Variants in FSHR observed in about 807,000 individuals in gnomAD.
FSHR encodes follicle-stimulating hormone receptor.
FSHR carries 46 observed loss-of-function variants against 52.1 expected under a neutral mutation model. That is an observed-to-expected ratio of 0.88 (90% CI 0.70 to 1.13). The LOEUF is 1.13. FSHR is among the 50% of genes most tolerant of loss of function. FSHR has a pLI of 0.00. For missense variants in FSHR, 964 were observed against 834.6 expected (o/e 1.16, Z -1.91); for synonymous variants, 399 against 309.6 (o/e 1.29, Z -3.03).
intron 2 of FSHR, among the ~76,000 whole-genome samples, chr2:49,055,844 C>T (rs565600796): frequency 6.6e-6 from 1 of 152,138 alleles, no homozygotes; most frequent in South Asian, 2.1e-4. Flanking sequence ...TATAACATTT[C>T]ATGGACAAGA....
chr2:49,033,069 C>T (rs1198319502), intron 2 of FSHR, among the ~76,000 whole-genome samples: 2 of 152,114 alleles, frequency 1.3e-5, no homozygotes, highest in South Asian at 2.1e-4. Flanking sequence ...CAATTTTCCC[C>T]CTTTTAGGAT....
intron 4 of FSHR, among the ~76,000 whole-genome samples, chr2:49,002,736 T>C (rs562454616): frequency 0.014 from 2,113 of 152,072 alleles, 48 homozygotes; most frequent in African/African-American, 0.049. Context: ...AGGATGATAT[T>C]TGGGTGGGGA....
Position 49,068,276 on chromosome 2 carries a change from G to A in FSHR, c.167C>T (p.Thr56Ile). 6.2e-7 allele frequency: 1 copy of A among 1,611,506 alleles called. No individual in the cohort carries two copies. The highest frequency in any genetic ancestry group is 1.1e-5 in the South Asian group (1 of 91,004). Residue 56 changes from threonine to isoleucine, a missense_variant, in exon 2 of 10, where the codon ACC (threonine) becomes ATC (isoleucine). Coordinates refer to ENST00000406846, the MANE Select transcript of FSHR (RefSeq NM_000145.4). ...RNAIELRFVLTKLRVIQKGAF... is the reference protein window; with the variant it reads ...RNAIELRFVLIKLRVIQKGAF... ...ACCTTTTTGGATGACTCGAAGCTTG[G>A]TGAGGACAAACCTCCTGCAAAGAGA...
intron 8 of FSHR, among the ~76,000 whole-genome samples, chr2:48,979,122 C>A (rs976636546): frequency 2.6e-5 from 4 of 151,292 alleles, no homozygotes; most frequent in African/African-American, 9.8e-5. Flanking sequence ...AGTTATCAGG[C>A]CTCAACCCTG....
chr2:49,145,817 C>T (rs1361687672), intron 1 of FSHR, among the ~76,000 whole-genome samples: 1 of 151,898 alleles, frequency 6.6e-6, no homozygotes, highest in African/African-American at 2.4e-5. Context: ...ATTTGCTGTT[C>T]AAAGAAAACT....
At chr2:48,998,382 A>G (rs1022081798) in intron 4 of FSHR, among the ~76,000 whole-genome samples, 1 of 152,122 alleles carries the variant, frequency 6.6e-6, no homozygotes, top group Admixed American at 6.5e-5. Flanking sequence ...GTCATTATAT[A>G]TGAAAACTCT....
At chr2:49,058,467 A>C (rs1000235783) in intron 2 of FSHR, among the ~76,000 whole-genome samples, 4 of 152,144 alleles carry the variant, frequency 2.6e-5, no homozygotes, top group Non-Finnish European at 4.4e-5. Flanking sequence ...GAATCGCTGG[A>C]ACCGGGAGGC....
intron 2 of FSHR, among the ~76,000 whole-genome samples, chr2:49,065,113 G>A (rs1300105669): frequency 6.6e-6 from 1 of 152,122 alleles, no homozygotes; most frequent in Non-Finnish European, 1.5e-5. Flanking sequence ...AATAGTGCTT[G>A]GGGAATAGAA....
chr2:49,013,121 TC>T (rs376633875), intron 4 of FSHR, among the ~76,000 whole-genome samples: 7 of 148,112 alleles, frequency 4.7e-5, no homozygotes, highest in East Asian at 2.0e-4. Context: ...TTCTCTATCT[TC>T]CCCCCCCACC....
intron 2 of FSHR, among the ~76,000 whole-genome samples, chr2:49,048,444 G>A (rs1668739390): frequency 6.6e-6 from 1 of 152,108 alleles, no homozygotes; most frequent in South Asian, 2.1e-4. Flanking sequence ...AGAGGGAAAG[G>A]GCAGGATTAG....
intron 1 of FSHR, among the ~76,000 whole-genome samples, chr2:49,125,544 T>C (rs1671965141): frequency 6.6e-6 from 1 of 152,204 alleles, no homozygotes. Context: ...TGCAGTCAGT[T>C]CTGTTCTCTG....
At chr2:49,014,930 A>T (rs947733227) in intron 4 of FSHR, 7 of 470,146 alleles carry the variant, frequency 1.5e-5, no homozygotes, top group Non-Finnish European at 3.1e-5. Flanking sequence ...ATTCTCCAAA[A>T]CAAAAGAAGA....
At chr2:49,120,309 T>G (rs1478394142) in intron 1 of FSHR, among the ~76,000 whole-genome samples, 1 of 152,090 alleles carries the variant, frequency 6.6e-6, no homozygotes, top group Non-Finnish European at 1.5e-5. Flanking sequence ...TGTTGCAACC[T>G]TATGCTTTAG....
chr2:49,138,141 G>A (rs972838911), intron 1 of FSHR, among the ~76,000 whole-genome samples: 4 of 152,060 alleles, frequency 2.6e-5, no homozygotes, highest in Non-Finnish European at 5.9e-5. Context: ...AGCCATCAGG[G>A]AAAGGCAAAT....
chr2:48,986,318 C>T (rs1007606370), intron 6 of FSHR, among the ~76,000 whole-genome samples: 5 of 151,090 alleles, frequency 3.3e-5, no homozygotes, highest in African/African-American at 1.2e-4. Flanking sequence ...TTTTTTATAG[C>T]TGTGTAGTAT....
At chr2:49,021,863 C>CTCTCTATATATATATA (rs1467766420) in intron 2 of FSHR, among the ~76,000 whole-genome samples, 2 of 49,864 alleles carry the variant, frequency 4.0e-5, no homozygotes, top group African/African-American at 1.6e-4. Flanking sequence ...CTCTCTCTCT[C>CTCTCTATATATATATA]TATATATATA....
At chr2:49,089,908 C>A (rs956503621) in intron 1 of FSHR, among the ~76,000 whole-genome samples, 1 of 152,106 alleles carries the variant, frequency 6.6e-6, no homozygotes, top group African/African-American at 2.4e-5. Context: ...GTGTGCAAAG[C>A]GTGTACATTC....
At chr2:48,969,873 G>A (rs1372458602) in intron 8 of FSHR, among the ~76,000 whole-genome samples, 1 of 152,172 alleles carries the variant, frequency 6.6e-6, no homozygotes, top group African/African-American at 2.4e-5. Flanking sequence ...AACCAAGACC[G>A]GCTGGTGAGA....
chr2:49,085,725 C>G (rs1572723517), intron 1 of FSHR, among the ~76,000 whole-genome samples: 2 of 152,134 alleles, frequency 1.3e-5, no homozygotes, highest in East Asian at 3.9e-4. Context: ...AAATGTCCAA[C>G]AATGATAGAC....
Sources: gnomAD v4.1 joint callset for allele counts (sites outside exome capture counted in the v4.1 genomes callset) on GRCh38, gnomAD v4.1.1 for gene constraint, MANE v1.5 for transcripts, NCBI Gene and HGNC (gene_info 2026-07-23, HGNC 2026-07-21) for gene names.